Variants in MLYCD observed in about 807,000 individuals in gnomAD.
The protein encoded by MLYCD is malonyl-CoA decarboxylase.
Under a neutral mutation model 35.8 loss-of-function variants are expected in MLYCD, and 27 were observed. The observed-to-expected ratio is 0.75, with a 90% CI of 0.56 to 1.04. The LOEUF (loss-of-function observed/expected upper bound fraction) is 1.04, where lower values mean the gene tolerates loss of function less well. Among genes scored for constraint, MLYCD ranks in the 50% least tolerant of loss-of-function variants. MLYCD has a pLI of 0.00. For synonymous variants in MLYCD, 403 were observed against 302.4 expected (o/e 1.33, Z -3.45); for missense variants, 917 against 665.1 (o/e 1.38, Z -4.17).
chr16:83,907,142 A>G (rs1205795296), intron 2 of MLYCD, 43 bp downstream of exon 2: 2 of 1,485,754 alleles, frequency 1.3e-6, no homozygotes, highest in Non-Finnish European at 9.4e-7. Flanking sequence ...TACATTTTTC[A>G]TATATATTTG....
intron 1 of MLYCD, among the ~76,000 whole-genome samples, chr16:83,904,533 G>T (rs564441779): frequency 6.6e-6 from 1 of 152,106 alleles, no homozygotes; most frequent in East Asian, 1.9e-4. Context: ...TCCTAATCAC[G>T]ATTCATTCCA....
At position 83,917,801 on chromosome 16, in the gene MLYCD, C is replaced by G. The variant is rs1043169684; in HGVS notation, c.*2312C>G. Reference sequence around the variant, plus strand: ...TCTTCTGTGCTTTATCCTGCTGCCTCCAGAGTGCCATGGACAGATCACCCA... The same window carrying G: ...TCTTCTGTGCTTTATCCTGCTGCCTGCAGAGTGCCATGGACAGATCACCCA... On this transcript the variant is annotated 3_prime_UTR_variant, in exon 5 of 5. Coordinates refer to ENST00000262430, the MANE Select transcript of MLYCD (RefSeq NM_012213.3). The G allele has an allele frequency of 2.6e-5, 4 of 152,268 alleles. No homozygotes were observed. Among genetic ancestry groups the G allele is most frequent in the Non-Finnish European group, 5.9e-5 (4 of 68,066 alleles). 9.4% of individuals were successfully genotyped at this position (152,268 alleles called of 1,614,324 possible). A position where few individuals can be genotyped will look rare whatever the true frequency, so the allele number is the denominator to read the frequency against.
intron 4 of MLYCD, 174 bp downstream of exon 4, chr16:83,912,541 C>T: frequency 1.3e-6 from 1 of 797,786 alleles, no homozygotes. Flanking sequence ...AGCCATGAGT[C>T]TCCCAGAGAG....
At position 83,918,208 on chromosome 16, in the gene MLYCD, A is replaced by T. The variant is rs1487140023; in HGVS notation, c.*2719A>T. ...AGGCAGAGTTTCTTAACCTTTTGTGAGTTACAGATCACTGAAATTCTGGTG... is the reference window on the plus strand; with the variant it reads ...AGGCAGAGTTTCTTAACCTTTTGTGTGTTACAGATCACTGAAATTCTGGTG... On this transcript the variant is annotated 3_prime_UTR_variant, in exon 5 of 5. Coordinates refer to ENST00000262430, the MANE Select transcript of MLYCD (RefSeq NM_012213.3). 2 of 152,244 alleles carry T rather than the reference A, an allele frequency of 1.3e-5. No homozygotes were observed. The highest frequency in any genetic ancestry group is 2.9e-5 in the Non-Finnish European group (2 of 68,044). The allele number at this position is 152,244 out of a possible 1,614,324, so 9.4% of individuals were successfully genotyped here. A position where few individuals can be genotyped will look rare whatever the true frequency, so the allele number is the denominator to read the frequency against.
chr16:83,906,558 G>T (rs1156983231), intron 1 of MLYCD, among the ~76,000 whole-genome samples: 1 of 152,206 alleles, frequency 6.6e-6, no homozygotes, highest in Non-Finnish European at 1.5e-5. Context: ...ATGTTTTGAC[G>T]TATCAAAGAA....
rs1281850615 is a variant in MLYCD, at chr16:83,912,207, G to A, written c.799-11G>A. ...CAGGCCACCCTTAGAACCATCGTTGGTGTTTTCCAGGCAATCGTGAAGGAA... is the reference window on the plus strand; with the variant it reads ...CAGGCCACCCTTAGAACCATCGTTGATGTTTTCCAGGCAATCGTGAAGGAA... On this transcript the variant is annotated splice_polypyrimidine_tract_variant and intron_variant, in intron 3 of 4. Coordinates refer to ENST00000262430, the MANE Select transcript of MLYCD (RefSeq NM_012213.3). 1 of 1,614,202 alleles carries A rather than the reference G, an allele frequency of 6.2e-7. No individual in the cohort carries two copies. Among genetic ancestry groups the A allele is most frequent in the Non-Finnish European group, 8.5e-7 (1 of 1,180,038 alleles).
chr16:83,907,199 T>C (rs1444551141), intron 2 of MLYCD, 100 bp downstream of exon 2: 1 of 1,027,568 alleles, frequency 9.7e-7, no homozygotes, highest in Non-Finnish European at 1.5e-6. Flanking sequence ...CATTCATATG[T>C]ACAGTTTATT....
In MLYCD at chr16:83,915,531, C is replaced by T. The variant is rs768055540; in HGVS notation, c.*42C>T. Reference sequence around the variant, plus strand: ...AAGCACAGGGCCCCGGCTAAGAAAACGATCATTTTCAGGAGGGGCCGGGAG... The same window carrying T: ...AAGCACAGGGCCCCGGCTAAGAAAATGATCATTTTCAGGAGGGGCCGGGAG... On this transcript the variant is annotated 3_prime_UTR_variant, in exon 5 of 5. Coordinates refer to ENST00000262430, the MANE Select transcript of MLYCD (RefSeq NM_012213.3). The T allele has an allele frequency of 5.0e-6, 8 of 1,599,520 alleles. No individual in the cohort carries two copies. The highest frequency in any genetic ancestry group is 2.2e-5 in the East Asian group (1 of 44,878).
Position 83,922,525 on chromosome 16 carries a change from A to G in MLYCD, c.*7036A>G, listed in dbSNP as rs1907688212. 1 of 152,264 alleles carries G rather than the reference A, an allele frequency of 6.6e-6. No individual in the cohort carries two copies. Among genetic ancestry groups the G allele is most frequent in the Non-Finnish European group, 1.5e-5 (1 of 68,072 alleles). 9.4% of individuals were successfully genotyped at this position (152,264 alleles called of 1,614,324 possible). A position where few individuals can be genotyped will look rare whatever the true frequency, so the allele number is the denominator to read the frequency against. ...TAGACTTTGGCTCCGGCCAGTGCCC[A>G]GTTCAAATGCTGGCCCCACCACTTC... is the stretch of plus-strand genomic sequence containing the variant. On this transcript the variant is annotated 3_prime_UTR_variant, in exon 5 of 5. Transcript: ENST00000262430.
chr16:83,902,073 C>T (rs1300101626), intron 1 of MLYCD, among the ~76,000 whole-genome samples: 2 of 149,870 alleles, frequency 1.3e-5, no homozygotes, highest in Non-Finnish European at 3.0e-5. Context: ...ATTCCCTTCC[C>T]CTTCCCTTGT....
At chr16:83,901,794 C>A (rs1906795260) in intron 1 of MLYCD, among the ~76,000 whole-genome samples, 1 of 152,170 alleles carries the variant, frequency 6.6e-6, no homozygotes, top group South Asian at 2.1e-4. Flanking sequence ...CTTAGACATT[C>A]ACAAGTTTCC....
chr16:83,914,786 A>T, intron 4 of MLYCD, 170 bp from the exon 5 acceptor site: 6 of 998,294 alleles, frequency 6.0e-6, no homozygotes, highest in Middle Eastern at 3.0e-4. Flanking sequence ...CTCTAAGAGG[A>T]AAAAAAGAAA....
At chr16:83,906,215 C>A (rs1906969813) in intron 1 of MLYCD, among the ~76,000 whole-genome samples, 1 of 151,582 alleles carries the variant, frequency 6.6e-6, no homozygotes, top group Non-Finnish European at 1.5e-5. Context: ...GGCAAAACCC[C>A]ATTTCTACAA....
chr16:83,912,800 C>T (rs1789750826), intron 4 of MLYCD: 1 of 294,808 alleles, frequency 3.4e-6, no homozygotes, highest in South Asian at 3.3e-5. Flanking sequence ...GCCTCTGACA[C>T]CTGATGTGCT....
At chr16:83,908,343 G>A in intron 3 of MLYCD, 61 bp downstream of exon 3, 2 of 1,508,618 alleles carry the variant, frequency 1.3e-6, no homozygotes, top group Non-Finnish European at 1.8e-6. Context: ...TGTGTTTTTT[G>A]TTTTGTTTTG....
At chr16:83,902,155 G>GTGTATATATATATA (rs1555537769) in intron 1 of MLYCD, among the ~76,000 whole-genome samples, 21 of 87,322 alleles carry the variant, frequency 2.4e-4, no homozygotes, top group Admixed American at 3.4e-4. Context: ...GTGTGCGTGC[G>GTGTATATATATATA]TATATATATA....
rs373660011 is a variant in MLYCD, at chr16:83,908,206, C to G, written c.722C>G (p.Ser241Cys). Residue 241 changes from serine (S) to cysteine (C), a missense_variant, in exon 3 of 5, where the codon TCT becomes TGT. By Grantham distance (112) the Ser-to-Cys change is moderately radical. Transcript: ENST00000262430. ...VGPYRRCYFF[S>C]HCSTPGEPLV... ...CCCTACAGAAGGTGTTACTTCTTTTCTCACTGTTCGACCCCTGGGGAGCCC... is the reference window on the plus strand; with the variant it reads ...CCCTACAGAAGGTGTTACTTCTTTTGTCACTGTTCGACCCCTGGGGAGCCC... 1.2e-5 allele frequency: 20 copies of G among 1,614,136 alleles called. No homozygotes were observed. The highest frequency in any genetic ancestry group is 1.6e-4 in the Middle Eastern group (1 of 6,084).
At chr16:83,911,843 G>C (rs566368452) in intron 3 of MLYCD, 86 of 296,960 alleles carry the variant, frequency 2.9e-4, no homozygotes, top group Non-Finnish European at 4.6e-4. Flanking sequence ...AGGAACTGGA[G>C]CTGTTTGGTC....
chr16:83,911,179 C>T (rs1213336818), intron 3 of MLYCD, among the ~76,000 whole-genome samples: 2 of 152,056 alleles, frequency 1.3e-5, no homozygotes, highest in Non-Finnish European at 2.9e-5. Context: ...GGGGTTTCAC[C>T]GTGTTAGCCA....
Sources: allele counts gnomAD v4.1 joint callset (sites outside exome capture counted in the v4.1 genomes callset), GRCh38; gene constraint gnomAD v4.1.1; transcripts MANE v1.5; gene names NCBI Gene and HGNC (gene_info 2026-07-23, HGNC 2026-07-21).